The following MTR variants were observed in gnomAD, a reference collection of about 807,000 sequenced individuals.
MTR encodes the protein 5-methyltetrahydrofolate-homocysteine methyltransferase, also known as methionine synthase.
In MTR, 84 loss-of-function variants were observed where a neutral mutation model predicts 154.8. The ratio of observed to expected loss-of-function variants is 0.54; its 90% CI spans 0.45 to 0.65. MTR has a LOEUF of 0.65. Ranked by LOEUF, MTR falls within the 30% of genes least tolerant of loss-of-function variation. MTR has a pLI of 0.00. For missense variants in MTR, 1,275 were observed against 1,570.2 expected (o/e 0.81, Z 3.18); for synonymous variants, 554 against 553.9 (o/e 1.00, Z 0.00).
intron 11 of MTR, among the ~76,000 whole-genome samples, chr1:236,827,411 T>C (rs1662352547): frequency 6.6e-6 from 1 of 152,248 alleles, no homozygotes; most frequent in South Asian, 2.1e-4. Context: ...TATATGCCTG[T>C]CACATGGTTG....
In MTR at chr1:236,838,471, T is replaced by C. The variant is rs1457604522; in HGVS notation, c.1387T>C (p.Cys463Arg). The change falls in exon 15 of 33, where the codon TGC (cysteine) becomes CGC (arginine). Residue 463 changes from cysteine (C) to arginine (R), a missense_variant. Physicochemically the swap from Cys to Arg is radical, Grantham distance 180. Transcript: ENST00000366577. ...FAVIEAGLKCCQGKCIVNSIS... is the reference protein window; with the variant it reads ...FAVIEAGLKCRQGKCIVNSIS... ...TGTGATTGAAGCTGGGTTAAAGTGC[T>C]GCCAAGGGAAGTGCATTGTCAATAG... The C allele has an allele frequency of 6.2e-7, 1 of 1,614,148 alleles. No homozygotes were observed. The highest frequency in any genetic ancestry group is 1.1e-5 in the South Asian group (1 of 91,084).
intron 8 of MTR, 108 bp downstream of exon 8, chr1:236,816,651 C>A: frequency 1.1e-6 from 1 of 904,518 alleles, no homozygotes. Flanking sequence ...TTCACTGTAC[C>A]ACTTCTGCTA....
chr1:236,828,268 C>T (rs577988249), intron 11 of MTR, among the ~76,000 whole-genome samples: 4 of 152,230 alleles, frequency 2.6e-5, no homozygotes, highest in South Asian at 4.1e-4. Flanking sequence ...TGAGCCACCG[C>T]GCCTGGCCTA....
chr1:236,862,654 G>A (rs1372135518), intron 21 of MTR, among the ~76,000 whole-genome samples: 1 of 152,222 alleles, frequency 6.6e-6, no homozygotes, highest in East Asian at 1.9e-4. Context: ...GATGTGCCAA[G>A]TACTGTGCCA....
rs183302465 is a variant in MTR at position 236,894,155 on chromosome 1, C to G, written c.3205-202C>G. On this transcript the variant is annotated intron_variant, in intron 29 of 32. Transcript: ENST00000366577. ...TAAAAATCTCATTTCATTTGTTTAT[C>G]TTACAAATATTTATTGGATACTCAC... Among the ~76,000 whole-genome samples, 404 of 152,232 alleles carry G rather than the reference C, an allele frequency of 2.7e-3. 2 individuals are homozygous for G. Among genetic ancestry groups the G allele is most frequent in the African/African-American group, 8.9e-3 (371 of 41,516 alleles).
At chr1:236,817,544 A>G (rs1036029859) in intron 8 of MTR, among the ~76,000 whole-genome samples, 6 of 152,332 alleles carry the variant, frequency 3.9e-5, no homozygotes, top group African/African-American at 1.4e-4. Flanking sequence ...TTCTGGCAAT[A>G]ACACCTTGAG....
chr1:236,815,552 A>C, intron 6 of MTR, 52 bp from the exon 7 acceptor site: 1 of 1,580,856 alleles, frequency 6.3e-7, no homozygotes, highest in Non-Finnish European at 8.7e-7. Context: ...AGTTAGACTA[A>C]TCTTGGACAC....
intron 24 of MTR, among the ~76,000 whole-genome samples, chr1:236,877,278 C>T (rs1472606937): frequency 6.6e-6 from 1 of 152,166 alleles, no homozygotes; most frequent in Non-Finnish European, 1.5e-5. Context: ...AGCAGTTATA[C>T]AGAAAAGTAC....
chr1:236,852,861 C>A (rs777183525), intron 17 of MTR, 87 bp from the exon 18 acceptor site: 63 of 1,485,434 alleles, frequency 4.2e-5, no homozygotes, highest in Non-Finnish European at 5.6e-5. Context: ...TAAAATATTT[C>A]TCTCTGGCCC....
At chr1:236,800,245 A>G (rs1660632163) in intron 1 of MTR, 1 of 985,442 alleles carries the variant, frequency 1.0e-6, no homozygotes. Context: ...CATTTTGCCG[A>G]TGCCAAAGGA....
In MTR at chr1:236,897,366, G is replaced by A. The variant is rs115749900; in HGVS notation, c.3712-192G>A. On this transcript the variant is annotated intron_variant, in intron 32 of 32. Transcript: ENST00000366577. Reference sequence around the variant, plus strand: ...CACATACAGCTTCTAAGCATCAGATGTTTACTACATGTTTTTCTGCCCAGA... The same window carrying A: ...CACATACAGCTTCTAAGCATCAGATATTTACTACATGTTTTTCTGCCCAGA... Among the ~76,000 whole-genome samples, 923 of 141,704 alleles carry A rather than the reference G, an allele frequency of 6.5e-3. 10 individuals carry two copies. The highest frequency in any genetic ancestry group is 7.3e-3 in the Non-Finnish European group (472 of 64,436). 93.0% of individuals were successfully genotyped at this position (141,704 alleles called of 152,430 possible).
intron 10 of MTR, 97 bp from the exon 11 acceptor site, chr1:236,826,732 T>C (rs1032055950): frequency 1.1e-6 from 1 of 909,564 alleles, no homozygotes; most frequent in African/African-American, 1.6e-5. Flanking sequence ...ATAGTCTTAG[T>C]TATTCAGGAA....
At chr1:236,797,873 G>T (rs543594450) in intron 1 of MTR, among the ~76,000 whole-genome samples, 6 of 151,296 alleles carry the variant, frequency 4.0e-5, no homozygotes, top group Non-Finnish European at 8.8e-5. Context: ...CAGGAGAATC[G>T]CTTGAACCCT....
chr1:236,842,505 A>G (rs1291473979), intron 15 of MTR, among the ~76,000 whole-genome samples: 2 of 152,082 alleles, frequency 1.3e-5, no homozygotes, highest in Non-Finnish European at 2.9e-5. Context: ...AGATTTTCAT[A>G]TCTACATTTA....
intron 19 of MTR, 52 bp from the exon 20 acceptor site, chr1:236,861,072 AT>A (rs953612527): frequency 7.8e-4 from 960 of 1,233,818 alleles, no homozygotes; most frequent in Non-Finnish European, 8.0e-4. Flanking sequence ...TTTTTAGGTG[AT>A]TTTTTTTTTC....
At chr1:236,894,271 C>T (rs770034821) in intron 29 of MTR, 86 bp from the exon 30 acceptor site, 121 of 1,298,954 alleles carry the variant, frequency 9.3e-5, no homozygotes, top group Non-Finnish European at 1.2e-4. Context: ...TCTCATTTGA[C>T]GATACCCGAT....
chr1:236,829,338 G>C, intron 12 of MTR, 70 bp downstream of exon 12: 1 of 1,273,142 alleles, frequency 7.9e-7, no homozygotes, highest in Non-Finnish European at 1.1e-6. Flanking sequence ...CTAAGTGGTA[G>C]TGATGTTTGT....
chr1:236,822,303 G>GTTTTT (rs1198665229), intron 8 of MTR, among the ~76,000 whole-genome samples: 6 of 115,250 alleles, frequency 5.2e-5, no homozygotes, highest in Admixed American at 1.9e-4. Flanking sequence ...GTTTTGTGGG[G>GTTTTT]TTTTTTTTGT....
intron 15 of MTR, among the ~76,000 whole-genome samples, chr1:236,845,082 A>G (rs542247932): frequency 4.9e-4 from 75 of 152,318 alleles, no homozygotes; most frequent in African/African-American, 1.7e-3. Context: ...GGTGGCGGCC[A>G]TTGCATTTTA....
Sources: allele counts gnomAD v4.1 joint callset (sites outside exome capture counted in the v4.1 genomes callset), GRCh38; gene constraint gnomAD v4.1.1; transcripts MANE v1.5; gene names NCBI Gene and HGNC (gene_info 2026-07-23, HGNC 2026-07-21).